The following CDH12 variants were observed in gnomAD, a reference collection of about 807,000 sequenced individuals.
The protein encoded by CDH12 is cadherin 12.
CDH12 carries 41 observed loss-of-function variants against 74.1 expected under a neutral mutation model. The observed-to-expected ratio is 0.55, with a 90% confidence interval of 0.43 to 0.72. CDH12 has a LOEUF of 0.72. Among genes scored for constraint, CDH12 ranks in the 30% least tolerant of loss-of-function variants. The probability of loss-of-function intolerance (pLI) is 0.00; values close to 1 mark genes in which losing one functional copy is unlikely to be tolerated. For missense variants in CDH12, 945 were observed against 977.2 expected (o/e 0.97, Z 0.44); for synonymous variants, 399 against 355.0 (o/e 1.12, Z -1.39).
chr5:22,406,703 T>A (rs1000160597), intron 2 of CDH12, among the ~76,000 whole-genome samples: 1 of 152,120 alleles, frequency 6.6e-6, no homozygotes. Context: ...GAGAGACTGA[T>A]AGTAGCTAAG....
chr5:21,830,937 G>A (rs999416509), intron 8 of CDH12, among the ~76,000 whole-genome samples: 1 of 152,016 alleles, frequency 6.6e-6, no homozygotes, highest in African/African-American at 2.4e-5. Flanking sequence ...TACTCGGGAG[G>A]CTGAGGCAGA....
chr5:22,755,291 A>C (rs963010824), intron 1 of CDH12, among the ~76,000 whole-genome samples: 2 of 152,120 alleles, frequency 1.3e-5, no homozygotes, highest in African/African-American at 4.8e-5. Context: ...TTTTATTCAA[A>C]ATGTTATATA....
chr5:22,691,367 A>G (rs1561580214), intron 1 of CDH12, among the ~76,000 whole-genome samples: 2 of 152,214 alleles, frequency 1.3e-5, no homozygotes, highest in Non-Finnish European at 2.9e-5. Flanking sequence ...TCCAAGATCC[A>G]GTGAGAAGTT....
chr5:22,216,687 T>C (rs1375684268), intron 3 of CDH12, among the ~76,000 whole-genome samples: 1 of 151,900 alleles, frequency 6.6e-6, no homozygotes, highest in Non-Finnish European at 1.5e-5. Flanking sequence ...GCTGAATGAC[T>C]AAACTCACCA....
intron 1 of CDH12, among the ~76,000 whole-genome samples, chr5:22,642,751 C>T (rs1477799340): frequency 6.6e-6 from 1 of 151,936 alleles, no homozygotes; most frequent in African/African-American, 2.4e-5. Context: ...CACTATGAAA[C>T]ATCGATTTAC....
rs538521452 is a variant in CDH12 at position 22,170,929 on chromosome 5, C to G, written c.-187+41569G>C. On this transcript the variant is annotated intron_variant, in intron 4 of 14. Coordinates refer to ENST00000382254, the MANE Select transcript of CDH12 (RefSeq NM_004061.5). Reference sequence around the variant, plus strand: ...AGCAGCAGTTGGTAGCAGTTAGTTTCAAGTTGTTAGAATTCGTGATCATCT... The same window carrying G: ...AGCAGCAGTTGGTAGCAGTTAGTTTGAAGTTGTTAGAATTCGTGATCATCT... Among the ~76,000 whole-genome samples, 8 of 151,990 alleles carry G rather than the reference C, an allele frequency of 5.3e-5. No individual in the cohort carries two copies. The East Asian group carries it at 1.5e-3, about 29-fold the overall frequency.
chr5:22,569,754 C>T (rs1231976352), intron 1 of CDH12, among the ~76,000 whole-genome samples: 1 of 152,154 alleles, frequency 6.6e-6, no homozygotes, highest in African/African-American at 2.4e-5. Context: ...GGCTCCACTT[C>T]TAAACTTCTA....
At chr5:22,038,700 A>G (rs900396258) in intron 5 of CDH12, among the ~76,000 whole-genome samples, 1 of 152,186 alleles carries the variant, frequency 6.6e-6, no homozygotes, top group African/African-American at 2.4e-5. Flanking sequence ...CATCCAGAGC[A>G]GTCATGCATC....
At chr5:21,846,305 G>C (rs1260627330) in intron 7 of CDH12, among the ~76,000 whole-genome samples, 1 of 152,030 alleles carries the variant, frequency 6.6e-6, no homozygotes, top group African/African-American at 2.4e-5. Context: ...AACCCATTCG[G>C]GTGCCCTCTC....
At chr5:22,302,009 GGAGAGAGAGA>G (rs36001047) in intron 3 of CDH12, among the ~76,000 whole-genome samples, 6 of 145,384 alleles carry the variant, frequency 4.1e-5, no homozygotes, top group Non-Finnish European at 7.5e-5. Context: ...ATATATATAT[GGAGAGAGAGA>G]GAGAGAGAGA....
In CDH12 at chr5:22,338,527, A is replaced by C. The variant is rs1366554792; in HGVS notation, c.-333+66730T>G. On this transcript the variant is annotated intron_variant, in intron 3 of 14. Transcript: ENST00000382254. ...TAATATTTGATAGCACAGTAGGGGG[A>C]CTATAGCCAATAATAATTTAATTGT... Among the ~76,000 whole-genome samples, 2 of 152,124 alleles carry C rather than the reference A, an allele frequency of 1.3e-5. 1 individual carries two copies.
intron 6 of CDH12, among the ~76,000 whole-genome samples, chr5:21,945,882 C>T (rs1755556602): frequency 6.6e-6 from 1 of 151,946 alleles, no homozygotes. Context: ...AAAATAATGA[C>T]TTCAACCTTC....
At chr5:22,282,594 A>T (rs1016691148) in intron 3 of CDH12, among the ~76,000 whole-genome samples, 1 of 152,226 alleles carries the variant, frequency 6.6e-6, no homozygotes, top group African/African-American at 2.4e-5. Flanking sequence ...ATGAACAGAC[A>T]CTTCTCAAAA....
At chr5:21,884,188 C>T (rs565305637) in intron 6 of CDH12, 2 of 1,582,568 alleles carry the variant, frequency 1.3e-6, no homozygotes, top group Non-Finnish European at 1.7e-6. Context: ...TTGGATGCTG[C>T]TGGTGTGGCC....
At chr5:22,512,696 C>T (rs1201223682) in intron 1 of CDH12, among the ~76,000 whole-genome samples, 3 of 152,156 alleles carry the variant, frequency 2.0e-5, no homozygotes, top group Non-Finnish European at 2.9e-5. Context: ...GAGGTGAAGT[C>T]TGTACTAATG....
At chr5:21,806,305 G>A (rs948530219) in intron 9 of CDH12, among the ~76,000 whole-genome samples, 2 of 152,114 alleles carry the variant, frequency 1.3e-5, no homozygotes, top group Admixed American at 6.6e-5. Flanking sequence ...TCCCATTAAC[G>A]TGGGCAGGTC....
At chr5:22,323,702 GAGA>G (rs977342342) in intron 3 of CDH12, among the ~76,000 whole-genome samples, 3 of 152,194 alleles carry the variant, frequency 2.0e-5, no homozygotes, top group African/African-American at 7.2e-5. Context: ...ACATGATTAA[GAGA>G]AGGAGACAGA....
intron 1 of CDH12, among the ~76,000 whole-genome samples, chr5:22,848,922 C>G (rs1423122193): frequency 6.6e-6 from 1 of 151,520 alleles, no homozygotes; most frequent in Non-Finnish European, 1.5e-5. Flanking sequence ...TTTTTCTCAT[C>G]ATATCATATA....
chr5:22,656,813 A>T (rs1051898627), intron 1 of CDH12, among the ~76,000 whole-genome samples: 1 of 152,268 alleles, frequency 6.6e-6, no homozygotes, highest in African/African-American at 2.4e-5. Flanking sequence ...GAATAAATAC[A>T]TTTTTATCTT....
Sources: allele counts gnomAD v4.1 joint callset (sites outside exome capture counted in the v4.1 genomes callset), GRCh38; gene constraint gnomAD v4.1.1; transcripts MANE v1.5; gene names NCBI Gene and HGNC (gene_info 2026-07-23, HGNC 2026-07-21).